SVIL: variants seen among roughly 807,000 people sequenced by gnomAD.
SVIL encodes archvillin.
SVIL carries 101 observed loss-of-function variants against 240.4 expected under a neutral mutation model. That is an observed-to-expected ratio of 0.42 (90% CI 0.36 to 0.50). The LOEUF (loss-of-function observed/expected upper bound fraction) is 0.50, where lower values mean the gene tolerates loss of function less well. Ranked by LOEUF, SVIL falls within the 20% of genes least tolerant of loss-of-function variation. SVIL has a pLI of 0.01. For synonymous variants in SVIL, 999 were observed against 1,100.0 expected, an observed-to-expected ratio of 0.91 and a Z score of 1.82; for missense variants, 2,512 against 2,818.7, an observed-to-expected ratio of 0.89 and a Z score of 2.46.
At chr10:29,531,124 G>A (rs1456616327) in intron 10 of SVIL, 130 bp downstream of exon 10, 4 of 875,876 alleles carry the variant, frequency 4.6e-6, no homozygotes, top group African/African-American at 3.4e-5. Context: ...TCCACAGAAC[G>A]AAAACCTGCA....
At chr10:29,559,399 T>C (rs1372041444) in intron 3 of SVIL, among the ~76,000 whole-genome samples, 1 of 152,202 alleles carries the variant, frequency 6.6e-6, no homozygotes, top group Non-Finnish European at 1.5e-5. Flanking sequence ...TTTGAGTCAA[T>C]TGCAGCATGA....
At chr10:29,651,618 T>TTCTCTCTCTC (rs9299622) in intron 3 of SVIL, among the ~76,000 whole-genome samples, 12,050 of 135,156 alleles carry the variant, frequency 0.089, 714 homozygotes, top group Admixed American at 0.13. Flanking sequence ...GCCACATGCA[T>TTCTCTCTCTC]TCTCTCTCTC....
rs574918286 is a variant in SVIL, at chr10:29,708,074, G to T, written c.-399-21423C>A. On this transcript the variant is annotated intron_variant, in intron 1 of 35. Transcript: ENST00000375400. ...AGATGGAGACCATCCTGGCTAACAC[G>T]GTGAAACCCCGTCTCCACTAAAAAA... is the stretch of plus-strand genomic sequence containing the variant. 2.0e-5 allele frequency among the ~76,000 whole-genome samples: 3 copies of T among 151,132 alleles called. No homozygotes were observed. In the East Asian group the frequency reaches 5.9e-4, roughly 30 times the overall value.
At chr10:29,590,541 C>A (rs1358110685) in intron 1 of SVIL, among the ~76,000 whole-genome samples, 3 of 152,200 alleles carry the variant, frequency 2.0e-5, no homozygotes, top group Non-Finnish European at 2.9e-5. Context: ...GTACTTTACA[C>A]CTTCTGGCTA....
intron 18 of SVIL, chr10:29,496,549 G>A (rs927802952): frequency 2.7e-6 from 1 of 365,168 alleles, no homozygotes; most frequent in East Asian, 8.4e-5. Context: ...GGCAAACCCC[G>A]CTGCCATGGC....
chr10:29,613,731 A>G (rs1957333772), intron 1 of SVIL, among the ~76,000 whole-genome samples: 2 of 152,200 alleles, frequency 1.3e-5, no homozygotes, highest in African/African-American at 4.8e-5. Flanking sequence ...TAGTTGAAAT[A>G]TTTTATTTCA....
At chr10:29,727,084 C>T (rs1363100070) in intron 1 of SVIL, among the ~76,000 whole-genome samples, 1 of 152,198 alleles carries the variant, frequency 6.6e-6, no homozygotes, top group Non-Finnish European at 1.5e-5. Flanking sequence ...AAAGGAAAGA[C>T]AAAATCAGCA....
chr10:29,536,911 C>CA lies in SVIL; in HGVS notation c.828-843dup, dbSNP rs59133069. On this transcript the variant is annotated intron_variant, in intron 6 of 37. Transcript: ENST00000355867. ...GGGCGATAACAGCACGACTCTGTCA[C>CA]AAAAAAAAAAAAAAAAAAAAGAACG... 7.0e-3 allele frequency among the ~76,000 whole-genome samples: 630 copies of CA among 89,818 alleles called. 18 individuals carry two copies. Among genetic ancestry groups the CA allele is most frequent in the East Asian group, 0.018 (49 of 2,792 alleles). 58.9% of individuals were successfully genotyped at this position (89,818 alleles called of 152,430 possible).
chr10:29,538,017 G>T (rs1432014796), intron 6 of SVIL, among the ~76,000 whole-genome samples: 3 of 152,226 alleles, frequency 2.0e-5, no homozygotes, highest in African/African-American at 7.2e-5. Context: ...ATCGCCTGCA[G>T]CCAGGAACGA....
At chr10:29,725,135 G>A (rs554903537) in intron 1 of SVIL, among the ~76,000 whole-genome samples, 9 of 151,014 alleles carry the variant, frequency 6.0e-5, no homozygotes, top group East Asian at 5.9e-4. Context: ...TCAGAGGTCC[G>A]TCTTTCTACT....
intron 1 of SVIL, among the ~76,000 whole-genome samples, chr10:29,607,399 T>A (rs1466894917): frequency 6.6e-6 from 1 of 152,210 alleles, no homozygotes; most frequent in Non-Finnish European, 1.5e-5. Flanking sequence ...TTTTTCTTAA[T>A]GGTTGGTATT....
intron 1 of SVIL, among the ~76,000 whole-genome samples, chr10:29,608,259 T>A (rs1485872649): frequency 6.6e-6 from 1 of 152,240 alleles, no homozygotes; most frequent in East Asian, 1.9e-4. Flanking sequence ...TTACCTCTGC[T>A]GCAAAGTCCT....
intron 20 of SVIL, among the ~76,000 whole-genome samples, chr10:29,493,697 C>T (rs991371386): frequency 6.6e-6 from 1 of 151,440 alleles, no homozygotes; most frequent in African/African-American, 2.5e-5. Flanking sequence ...CAGCCTCAGC[C>T]TCATTCTACG....
At chr10:29,650,939 A>G (rs1958814783) in intron 3 of SVIL, among the ~76,000 whole-genome samples, 4 of 152,226 alleles carry the variant, frequency 2.6e-5, no homozygotes, top group Admixed American at 2.6e-4. Flanking sequence ...AAACAAGAGC[A>G]TGGAATGTCT....
intron 17 of SVIL, among the ~76,000 whole-genome samples, chr10:29,502,603 G>C (rs1008453808): frequency 6.6e-6 from 1 of 152,092 alleles, no homozygotes; most frequent in Non-Finnish European, 1.5e-5. Context: ...CAGATCCCAC[G>C]AATGTGGTGG....
chr10:29,535,637 C>G (rs147650293), intron 7 of SVIL, among the ~76,000 whole-genome samples: 1 of 152,186 alleles, frequency 6.6e-6, no homozygotes, highest in Non-Finnish European at 1.5e-5. Flanking sequence ...CGCCGGCTAG[C>G]GAGTCCAGCT....
At chr10:29,630,273 G>T (rs1219447956) in intron 1 of SVIL, among the ~76,000 whole-genome samples, 1 of 152,160 alleles carries the variant, frequency 6.6e-6, no homozygotes, top group Non-Finnish European at 1.5e-5. Flanking sequence ...GCAGACCAAT[G>T]ATCCCAAAGC....
In SVIL at chr10:29,462,007, A is replaced by C. The variant is rs538955559; in HGVS notation, c.6402+270T>G. On this transcript the variant is annotated intron_variant, in intron 36 of 37. Coordinates refer to ENST00000355867, the MANE Select transcript of SVIL (RefSeq NM_021738.3). ...TGAAGAGTTCGCAGCTTTTATGTACATATATAGTCCTCAACATGATTCAAC... is the reference window on the plus strand; with the variant it reads ...TGAAGAGTTCGCAGCTTTTATGTACCTATATAGTCCTCAACATGATTCAAC... Among the ~76,000 whole-genome samples the C allele has an allele frequency of 3.1e-4, 47 of 152,372 alleles. 1 individual carries two copies. In the South Asian group the frequency reaches 9.7e-3, roughly 32 times the overall value.
At chr10:29,587,211 T>C (rs904656039) in intron 1 of SVIL, among the ~76,000 whole-genome samples, 5 of 152,318 alleles carry the variant, frequency 3.3e-5, no homozygotes, top group Admixed American at 2.0e-4. Flanking sequence ...AAAGTATGCC[T>C]GCCAAGGAGA....
Sources: gnomAD v4.1 joint callset for allele counts (sites outside exome capture counted in the v4.1 genomes callset) on GRCh38, gnomAD v4.1.1 for gene constraint, MANE v1.5 for transcripts, NCBI Gene and HGNC (gene_info 2026-07-23, HGNC 2026-07-21) for gene names.